The following TRAPPC13 variants were observed in gnomAD, a reference collection of about 807,000 sequenced individuals.
TRAPPC13 encodes REV7-interacting novel NHEJ regulator 1.
TRAPPC13 carries 39 observed loss-of-function variants against 54.0 expected under a neutral mutation model. That is an observed-to-expected ratio of 0.72 (90% CI 0.56 to 0.94). The LOEUF is 0.94. Ranked by LOEUF, TRAPPC13 falls within the 40% of genes least tolerant of loss-of-function variation. The pLI is 0.00. For missense variants in TRAPPC13, 386 were observed against 488.1 expected, an observed-to-expected ratio of 0.79 and a Z score of 1.97; for synonymous variants, 148 against 167.7, an observed-to-expected ratio of 0.88 and a Z score of 0.91.
chr5:65,629,421 C>T, intron 1 of TRAPPC13: 2 of 1,281,122 alleles, frequency 1.6e-6, no homozygotes. Context: ...TGTTGGTAGG[C>T]AGGGTATCCC....
chr5:65,656,899 T>C (rs1756672637), intron 8 of TRAPPC13, among the ~76,000 whole-genome samples: 1 of 149,470 alleles, frequency 6.7e-6, no homozygotes, highest in Non-Finnish European at 1.5e-5. Flanking sequence ...GAGTGAAACT[T>C]CGTCTCAAAA....
chr5:65,662,703 A>C (rs909844319), intron 11 of TRAPPC13: 2 of 152,110 alleles, frequency 1.3e-5, no homozygotes, highest in Non-Finnish European at 2.9e-5. Context: ...TTGTATTACC[A>C]CTTGGTTTGT....
intron 1 of TRAPPC13, among the ~76,000 whole-genome samples, chr5:65,631,566 G>GT (rs1359195320): frequency 6.6e-6 from 1 of 152,004 alleles, no homozygotes; most frequent in African/African-American, 2.4e-5. Context: ...CTATTGTTCT[G>GT]TTTTTTGTGT....
intron 5 of TRAPPC13, among the ~76,000 whole-genome samples, chr5:65,648,535 A>G (rs534482441): frequency 6.6e-6 from 1 of 152,328 alleles, no homozygotes; most frequent in South Asian, 2.1e-4. Context: ...TGAGACTTGT[A>G]CAATTAAGCA....
intron 11 of TRAPPC13, 21 bp downstream of exon 11, chr5:65,662,171 T>G (rs1756871599): frequency 6.6e-7 from 1 of 1,518,562 alleles, no homozygotes. Flanking sequence ...TGTTTGTAGA[T>G]GGATGTCCTT....
intron 1 of TRAPPC13, chr5:65,629,731 G>A: frequency 2.0e-6 from 3 of 1,536,068 alleles, no homozygotes; most frequent in Non-Finnish European, 2.6e-6. Flanking sequence ...ATGGGTCCAA[G>A]CTTCCACTCA....
intron 1 of TRAPPC13, chr5:65,631,009 T>A (rs888633558): frequency 4.6e-5 from 7 of 152,284 alleles, no homozygotes; most frequent in African/African-American, 1.7e-4. Context: ...GTAATTGGTT[T>A]TACACATCAC....
At chr5:65,640,324 G>A (rs79102354) in intron 4 of TRAPPC13, among the ~76,000 whole-genome samples, 2,227 of 152,234 alleles carry the variant, frequency 0.015, 46 homozygotes, top group African/African-American at 0.051. Flanking sequence ...ATTGCTTCAG[G>A]CTACGAGTTT....
At chr5:65,657,085 T>G (rs27596) in intron 8 of TRAPPC13, among the ~76,000 whole-genome samples, 93,839 of 150,956 alleles carry the variant, frequency 0.62, 29,428 homozygotes, top group South Asian at 0.64. Flanking sequence ...TTGTGGGGGT[T>G]GGGGGAAGCT....
intron 1 of TRAPPC13, among the ~76,000 whole-genome samples, chr5:65,631,143 A>G (rs1317323737): frequency 2.0e-5 from 3 of 152,212 alleles, no homozygotes; most frequent in African/African-American, 4.8e-5. Context: ...GGAGACAGAC[A>G]TGGACCTTGC....
chr5:65,630,611 T>TA, intron 1 of TRAPPC13: 1 of 1,074,822 alleles, frequency 9.3e-7, no homozygotes, highest in Non-Finnish European at 1.1e-6. Flanking sequence ...GTTGTATAGT[T>TA]TGGATTTTGG....
intron 9 of TRAPPC13, among the ~76,000 whole-genome samples, chr5:65,659,471 A>G (rs1756769719): frequency 1.3e-5 from 2 of 152,220 alleles, no homozygotes; most frequent in Admixed American, 1.3e-4. Context: ...TATCATTGCT[A>G]TCCTGCAAAT....
chr5:65,633,364 C>G (rs935884021), intron 1 of TRAPPC13, among the ~76,000 whole-genome samples: 5 of 152,034 alleles, frequency 3.3e-5, no homozygotes, highest in African/African-American at 1.2e-4. Context: ...ACTGCAAGCT[C>G]CGCCTCCCGG....
intron 1 of TRAPPC13, chr5:65,625,627 A>G (rs577013287): frequency 6.6e-6 from 1 of 152,580 alleles, no homozygotes; most frequent in African/African-American, 2.4e-5. Flanking sequence ...TCCGAGATCT[A>G]ATGTCAACTC....
At chr5:65,652,356 T>TC in intron 6 of TRAPPC13, 145 bp from the exon 7 acceptor site, 1 of 430,338 alleles carries the variant, frequency 2.3e-6, no homozygotes, top group East Asian at 3.6e-5. Context: ...TTTTTTTTTT[T>TC]GGAAGAATAT....
At chr5:65,661,785 T>C in intron 10 of TRAPPC13, 1 of 290,958 alleles carries the variant, frequency 3.4e-6, no homozygotes, top group East Asian at 6.2e-5. Context: ...CTTTACTGAC[T>C]ACTTACCTGT....
At chr5:65,663,975 T>C in intron 11 of TRAPPC13, 2 of 386,350 alleles carry the variant, frequency 5.2e-6, no homozygotes, top group Non-Finnish European at 9.3e-6. Flanking sequence ...AGGAGGCCAG[T>C]GTTGAGTAAT....
chr5:65,636,574 C>T (rs1691759817), intron 3 of TRAPPC13, among the ~76,000 whole-genome samples: 1 of 151,906 alleles, frequency 6.6e-6, no homozygotes, highest in Non-Finnish European at 1.5e-5. Flanking sequence ...AGAATTTTAA[C>T]TTTCTTCTTT....
chr5:65,632,997 C>CCTA (rs1369429272), intron 1 of TRAPPC13, among the ~76,000 whole-genome samples: 3 of 152,080 alleles, frequency 2.0e-5, no homozygotes, highest in Non-Finnish European at 4.4e-5. Context: ...TACATAAGAG[C>CCTA]CTAGACCTCA....
Sources: allele counts gnomAD v4.1 joint callset (sites outside exome capture counted in the v4.1 genomes callset), GRCh38; gene constraint gnomAD v4.1.1; transcripts MANE v1.5; gene names NCBI Gene and HGNC (gene_info 2026-07-23, HGNC 2026-07-21).